Variants in RALGAPA1 observed in about 807,000 individuals in gnomAD.
RALGAPA1 encodes Ral GTPase activating protein catalytic subunit alpha 1.
In RALGAPA1, 52 loss-of-function variants were observed where a neutral mutation model predicts 269.6. The ratio of observed to expected loss-of-function variants is 0.19; its 90% CI spans 0.15 to 0.24. RALGAPA1 has a LOEUF of 0.24. Among genes scored for constraint, RALGAPA1 ranks in the 10% least tolerant of loss-of-function variants. The probability of loss-of-function intolerance (pLI) is 1.00; values close to 1 mark genes in which losing one functional copy is unlikely to be tolerated. For synonymous variants in RALGAPA1, 817 were observed against 1,008.3 expected (o/e 0.81, Z 3.60); for missense variants, 1,917 against 3,013.9 (o/e 0.64, Z 8.52).
chr14:35,798,910 C>T (rs1018284791), intron 1 of RALGAPA1, among the ~76,000 whole-genome samples: 3 of 151,558 alleles, frequency 2.0e-5, no homozygotes, highest in Middle Eastern at 3.4e-3. Flanking sequence ...GCAAAAGAAT[C>T]GCTTGAACCA....
At chr14:35,706,976 A>T (rs2067865604) in intron 16 of RALGAPA1, 1 of 152,242 alleles carries the variant, frequency 6.6e-6, no homozygotes, top group African/African-American at 2.4e-5. Flanking sequence ...CTATCCATGT[A>T]CATGAACTAG....
chr14:35,629,730 A>G (rs1413245287), intron 33 of RALGAPA1, among the ~76,000 whole-genome samples: 1 of 152,104 alleles, frequency 6.6e-6, no homozygotes, highest in Non-Finnish European at 1.5e-5. Flanking sequence ...TGAACTCTTG[A>G]CCTTGTGATC....
chr14:35,682,394 G>A (rs989871269), intron 21 of RALGAPA1, among the ~76,000 whole-genome samples: 1 of 150,866 alleles, frequency 6.6e-6, no homozygotes, highest in South Asian at 2.2e-4. Context: ...TCTGCCTCCC[G>A]GGTTCATGCC....
intron 19 of RALGAPA1, 72 bp downstream of exon 19, chr14:35,686,470 A>G: frequency 8.8e-7 from 1 of 1,139,378 alleles, no homozygotes; most frequent in Non-Finnish European, 1.2e-6. Context: ...ATTGACATAT[A>G]TGTACATAGG....
Position 35,763,487 on chromosome 14 carries a change from AT to A in RALGAPA1, c.326-735del, listed in dbSNP as rs201807922. 5.1e-3 allele frequency among the ~76,000 whole-genome samples: 774 copies of A among 152,268 alleles called. 17 individuals are homozygous for A. Among genetic ancestry groups the A allele is most frequent in the Admixed American group, 0.035 (543 of 15,298 alleles). ...CTACACATTTATAAATCCATAAAAAATAATATAAACTGTTTCATATAACTCA... is the reference window on the plus strand; with the variant it reads ...CTACACATTTATAAATCCATAAAAAAAATATAAACTGTTTCATATAACTCA... On this transcript the variant is annotated intron_variant, in intron 4 of 41. Coordinates refer to ENST00000680220, the MANE Select transcript of RALGAPA1 (RefSeq NM_001346249.2).
intron 13 of RALGAPA1, among the ~76,000 whole-genome samples, chr14:35,727,460 TTTTC>T: frequency 6.6e-6 from 1 of 151,210 alleles, no homozygotes; most frequent in East Asian, 1.9e-4. Context: ...TTTTTTAAAC[TTTTC>T]TTTGTTTGAA....
chr14:35,767,549 G>C (rs890604794), intron 4 of RALGAPA1, among the ~76,000 whole-genome samples: 2 of 152,024 alleles, frequency 1.3e-5, no homozygotes, highest in Non-Finnish European at 2.9e-5. Flanking sequence ...AGCCGGGCGT[G>C]GTGGCATGTG....
At chr14:35,610,029 G>A (rs942974972) in intron 35 of RALGAPA1, among the ~76,000 whole-genome samples, 1 of 150,150 alleles carries the variant, frequency 6.7e-6, no homozygotes, top group Non-Finnish European at 1.5e-5. Context: ...AAATAAAATA[G>A]AAGAGAAAAA....
chr14:35,603,012 A>G (rs2059387330), intron 36 of RALGAPA1, among the ~76,000 whole-genome samples: 1 of 152,068 alleles, frequency 6.6e-6, no homozygotes, highest in Non-Finnish European at 1.5e-5. Context: ...TCTCCATTGG[A>G]TGGTTGTGGC....
intron 36 of RALGAPA1, among the ~76,000 whole-genome samples, chr14:35,597,735 C>T (rs993833939): frequency 6.6e-6 from 1 of 152,178 alleles, no homozygotes; most frequent in Non-Finnish European, 1.5e-5. Flanking sequence ...GGCAATCACT[C>T]ACTCATCTGT....
chr14:35,647,129 A>G (rs151040213), intron 31 of RALGAPA1, among the ~76,000 whole-genome samples: 1 of 152,334 alleles, frequency 6.6e-6, no homozygotes, highest in East Asian at 1.9e-4. Flanking sequence ...TTCTCTATGA[A>G]GAATAGGGAT....
At chr14:35,756,407 C>T (rs2073178893) in intron 7 of RALGAPA1, 1 of 153,708 alleles carries the variant, frequency 6.5e-6, no homozygotes, top group Admixed American at 6.5e-5. Flanking sequence ...AAAACATGTC[C>T]TTGTACTTTC....
chr14:35,780,215 TCCCAAC>T (rs2075339359), intron 1 of RALGAPA1, among the ~76,000 whole-genome samples: 3 of 151,896 alleles, frequency 2.0e-5, no homozygotes, highest in Non-Finnish European at 4.4e-5. Context: ...ACAACAGAAC[TCCCAAC>T]CCCCAAAGCA....
intron 19 of RALGAPA1, among the ~76,000 whole-genome samples, chr14:35,685,686 C>T (rs544646958): frequency 5.4e-4 from 82 of 152,194 alleles, no homozygotes; most frequent in Non-Finnish European, 9.7e-4. Context: ...GGCAGATCAC[C>T]TGAGGTCAGG....
intron 6 of RALGAPA1, among the ~76,000 whole-genome samples, chr14:35,757,530 A>G (rs2073299593): frequency 6.6e-6 from 1 of 152,218 alleles, no homozygotes; most frequent in Non-Finnish European, 1.5e-5. Context: ...TCAGTTGAGA[A>G]AGAACTTCTG....
intron 35 of RALGAPA1, among the ~76,000 whole-genome samples, chr14:35,610,473 G>A (rs1404784752): frequency 6.6e-6 from 1 of 151,912 alleles, no homozygotes; most frequent in East Asian, 1.9e-4. Context: ...TAGTACAGAT[G>A]GGGTTTCACC....
At chr14:35,776,117 C>T (rs1250421924) in intron 1 of RALGAPA1, among the ~76,000 whole-genome samples, 2 of 152,178 alleles carry the variant, frequency 1.3e-5, no homozygotes, top group Non-Finnish European at 2.9e-5. Flanking sequence ...GGTATGGTGG[C>T]TCACGCCTGT....
chr14:35,671,628 CT>C, intron 25 of RALGAPA1, 111 bp from the exon 26 acceptor site: 1 of 530,876 alleles, frequency 1.9e-6, no homozygotes. Flanking sequence ...AAGGTAATTA[CT>C]GTACATTGGC....
Position 35,720,118 on chromosome 14 carries a change from C to T in RALGAPA1, c.2266+1570G>A, listed in dbSNP as rs188188891. ...TAATATAAAGTGAAGGAAGGCATTTCAAATATAATCATTTTCCTTAGGATT... is the reference window on the plus strand; with the variant it reads ...TAATATAAAGTGAAGGAAGGCATTTTAAATATAATCATTTTCCTTAGGATT... On this transcript the variant is annotated intron_variant, in intron 16 of 41. Coordinates refer to ENST00000680220, the MANE Select transcript of RALGAPA1 (RefSeq NM_001346249.2). Among the ~76,000 whole-genome samples the T allele has an allele frequency of 2.4e-4, 36 of 152,276 alleles. No individual in the cohort carries two copies. The East Asian group carries it at 5.4e-3, about 23-fold the overall frequency.
Sources: allele counts gnomAD v4.1 joint callset (sites outside exome capture counted in the v4.1 genomes callset), GRCh38; gene constraint gnomAD v4.1.1; transcripts MANE v1.5; gene names NCBI Gene and HGNC (gene_info 2026-07-23, HGNC 2026-07-21).